Variants in TMEM178B observed in about 807,000 individuals in gnomAD.
The protein encoded by TMEM178B is transmembrane protein 178B.
TMEM178B carries 5 observed loss-of-function variants against 31.0 expected under a neutral mutation model. The observed-to-expected ratio is 0.16, with a 90% CI of 0.08 to 0.34. TMEM178B has a LOEUF of 0.34. Ranked by LOEUF, TMEM178B falls within the 10% of genes least tolerant of loss-of-function variation. The pLI is 1.00. For synonymous variants in TMEM178B, 164 were observed against 164.0 expected, an observed-to-expected ratio of 1.00 and a Z score of 0.00; for missense variants, 275 against 400.3, an observed-to-expected ratio of 0.69 and a Z score of 2.67.
At chr7:141,406,827 A>G (rs1800894156) in intron 2 of TMEM178B, among the ~76,000 whole-genome samples, 1 of 152,246 alleles carries the variant, frequency 6.6e-6, no homozygotes, top group African/African-American at 2.4e-5. Flanking sequence ...TCTGAAGTTG[A>G]AGTGGCGTTT....
At chr7:141,426,765 T>C (rs563133381) in intron 2 of TMEM178B, among the ~76,000 whole-genome samples, 6 of 152,134 alleles carry the variant, frequency 3.9e-5, no homozygotes, top group Non-Finnish European at 7.4e-5. Flanking sequence ...TAAGTATAAC[T>C]ACATTATGTA....
At chr7:141,130,871 A>G (rs767327727) in intron 1 of TMEM178B, among the ~76,000 whole-genome samples, 3 of 152,226 alleles carry the variant, frequency 2.0e-5, no homozygotes, top group Non-Finnish European at 4.4e-5. Flanking sequence ...GAAAAACTTA[A>G]AAGCAAGATG....
intron 2 of TMEM178B, among the ~76,000 whole-genome samples, chr7:141,389,368 A>C (rs1216692652): frequency 6.6e-6 from 1 of 152,206 alleles, no homozygotes. Context: ...TGGACTCTGG[A>C]GTGGTCTGTC....
Position 141,158,026 on chromosome 7 carries a change from A to G in TMEM178B, c.383-54565A>G, listed in dbSNP as rs114398856. Among the ~76,000 whole-genome samples, 566 of 152,262 alleles carry G rather than the reference A, an allele frequency of 3.7e-3. 2 individuals are homozygous for G. Among genetic ancestry groups the G allele is most frequent in the African/African-American group, 0.01 (421 of 41,552 alleles). Reference sequence around the variant, plus strand: ...AGCACGAGTCCCACTCTCTTTTGCTAACAGACATCAGTCTGCAACAGTCTC... The same window carrying G: ...AGCACGAGTCCCACTCTCTTTTGCTGACAGACATCAGTCTGCAACAGTCTC... On this transcript the variant is annotated intron_variant, in intron 1 of 3. Transcript: ENST00000565468.
chr7:141,119,180 A>C (rs1795370334), intron 1 of TMEM178B, among the ~76,000 whole-genome samples: 1 of 152,214 alleles, frequency 6.6e-6, no homozygotes, highest in Non-Finnish European at 1.5e-5. Flanking sequence ...GACAGAGCAG[A>C]AAATGGTTCA....
intron 1 of TMEM178B, among the ~76,000 whole-genome samples, chr7:141,129,216 T>C (rs1357512041): frequency 6.6e-6 from 1 of 152,188 alleles, no homozygotes; most frequent in Non-Finnish European, 1.5e-5. Flanking sequence ...TCAGGAAATG[T>C]GGATTGAATG....
intron 2 of TMEM178B, among the ~76,000 whole-genome samples, chr7:141,436,000 T>C (rs1801531323): frequency 6.6e-6 from 1 of 152,064 alleles, no homozygotes; most frequent in South Asian, 2.1e-4. Flanking sequence ...CTGTGCCCCG[T>C]CTCTCCCCAC....
chr7:141,191,543 A>G (rs1428089214), intron 1 of TMEM178B, among the ~76,000 whole-genome samples: 1 of 152,246 alleles, frequency 6.6e-6, no homozygotes, highest in Admixed American at 6.5e-5. Context: ...CTTGGCCAGA[A>G]TGATAGTTAC....
intron 1 of TMEM178B, among the ~76,000 whole-genome samples, chr7:141,202,480 A>C (rs1796893649): frequency 1.3e-5 from 2 of 152,230 alleles, no homozygotes; most frequent in Non-Finnish European, 2.9e-5. Context: ...AAAGAAATTA[A>C]ATATTTAGAA....
intron 1 of TMEM178B, among the ~76,000 whole-genome samples, chr7:141,152,166 TCA>T (rs1235961300): frequency 4.6e-5 from 7 of 152,116 alleles, no homozygotes; most frequent in African/African-American, 1.7e-4. Context: ...GAGACCAAAG[TCA>T]GCATTCAGGA....
At chr7:141,141,778 G>A (rs994403485) in intron 1 of TMEM178B, among the ~76,000 whole-genome samples, 5 of 152,074 alleles carry the variant, frequency 3.3e-5, no homozygotes, top group African/African-American at 1.2e-4. Flanking sequence ...AACTTTATGG[G>A]TTTCAGTGCA....
At chr7:141,463,866 G>A (rs781766577) in intron 3 of TMEM178B, among the ~76,000 whole-genome samples, 18 of 152,342 alleles carry the variant, frequency 1.2e-4, no homozygotes, top group Non-Finnish European at 2.4e-4. Flanking sequence ...AAGGCCAGAC[G>A]CGCAGGATAC....
intron 1 of TMEM178B, among the ~76,000 whole-genome samples, chr7:141,091,021 G>A (rs1794871862): frequency 1.3e-5 from 2 of 152,132 alleles, no homozygotes; most frequent in African/African-American, 4.8e-5. Flanking sequence ...ATATAGATAT[G>A]GCTGCATTGC....
chr7:141,087,283 A>T (rs1195057463), intron 1 of TMEM178B, among the ~76,000 whole-genome samples: 1 of 152,212 alleles, frequency 6.6e-6, no homozygotes, highest in Non-Finnish European at 1.5e-5. Flanking sequence ...GCTGTTAGAG[A>T]AGAGTGTAGA....
chr7:141,180,681 T>G (rs1047189214), intron 1 of TMEM178B, among the ~76,000 whole-genome samples: 4 of 152,160 alleles, frequency 2.6e-5, no homozygotes, highest in African/African-American at 7.2e-5. Context: ...TGGGTTGTTT[T>G]GACATATTAT....
rs1798609106 is a variant in TMEM178B, at chr7:141,295,100, C to G, written c.496+82396C>G. On this transcript the variant is annotated intron_variant, in intron 2 of 3. Coordinates refer to ENST00000565468, the MANE Select transcript of TMEM178B (RefSeq NM_001195278.2). ...TCCCTTTTGTGGGGTCTCCCATGGC[C>G]AGAGCTGCCCACCTGGGAGCCTACT... 1.3e-5 allele frequency among the ~76,000 whole-genome samples: 2 copies of G among 152,184 alleles called. 1 individual carries two copies. Among genetic ancestry groups the G allele is most frequent in the Admixed American group, 1.3e-4 (2 of 15,270 alleles).
chr7:141,158,165 G>C (rs1413537604), intron 1 of TMEM178B, among the ~76,000 whole-genome samples: 1 of 152,050 alleles, frequency 6.6e-6, no homozygotes, highest in African/African-American at 2.4e-5. Context: ...GCGCAATCTC[G>C]GCTCACTGCA....
Position 141,364,740 on chromosome 7 carries a change from C to T in TMEM178B, c.497-72868C>T, listed in dbSNP as rs139478833. ...CCACACTACAGGCCAGGTAGGTAAC[C>T]CAAAGAATGGAGTGGGCTGGATGTC... On this transcript the variant is annotated intron_variant, in intron 2 of 3. Transcript: ENST00000565468. Among the ~76,000 whole-genome samples, 903 of 151,274 alleles carry T rather than the reference C, an allele frequency of 6.0e-3. 11 individuals carry two copies. Among genetic ancestry groups the T allele is most frequent in the African/African-American group, 0.021 (856 of 41,204 alleles).
chr7:141,224,557 T>A (rs1375741309), intron 2 of TMEM178B, among the ~76,000 whole-genome samples: 2 of 152,172 alleles, frequency 1.3e-5, no homozygotes, highest in African/African-American at 4.8e-5. Flanking sequence ...CCAGAGCTAC[T>A]TGGGGTGTTA....
Sources: allele counts gnomAD v4.1 joint callset (sites outside exome capture counted in the v4.1 genomes callset), GRCh38; gene constraint gnomAD v4.1.1; transcripts MANE v1.5; gene names NCBI Gene and HGNC (gene_info 2026-07-23, HGNC 2026-07-21).